The following ZMYM2 variants were observed in gnomAD, a reference collection of about 807,000 sequenced individuals.
ZMYM2 encodes the protein zinc finger MYM-type protein 2.
A neutral mutation model predicts 162.8 loss-of-function variants in ZMYM2; 56 were observed. The ratio of observed to expected loss-of-function variants is 0.34; its 90% CI spans 0.28 to 0.43. The LOEUF is 0.43. ZMYM2 is among the 20% of genes least tolerant of loss of function. The probability of loss-of-function intolerance (pLI) is 1.00; values close to 1 mark genes in which losing one functional copy is unlikely to be tolerated. For missense variants in ZMYM2, 1,275 were observed against 1,621.8 expected, an observed-to-expected ratio of 0.79 and a Z score of 3.67; for synonymous variants, 510 against 541.6, an observed-to-expected ratio of 0.94 and a Z score of 0.81.
At chr13:19,911,981 C>T in the ZMYM2 span, among the ~76,000 whole-genome samples, 1 of 152,222 alleles carries the variant, frequency 6.6e-6, no homozygotes, top group East Asian at 1.9e-4. Flanking sequence ...ATCTATTTGG[C>T]CCCTGTGCCA....
chr13:19,911,492 C>T, the ZMYM2 span, among the ~76,000 whole-genome samples: 3 of 152,244 alleles, frequency 2.0e-5, no homozygotes, highest in South Asian at 2.1e-4. Flanking sequence ...TAGCCTTTCC[C>T]GAAGGGACCT....
chr13:20,021,003 C>T (rs1484939074), intron 7 of ZMYM2, among the ~76,000 whole-genome samples: 1 of 149,254 alleles, frequency 6.7e-6, no homozygotes, highest in Non-Finnish European at 1.5e-5. Context: ...TGAGATGGAG[C>T]CTTGCTCTGT....
At chr13:20,027,408 A>G (rs1952683473) in intron 9 of ZMYM2, 90 bp downstream of exon 9, 1 of 982,668 alleles carries the variant, frequency 1.0e-6, no homozygotes, top group Non-Finnish European at 1.4e-6. Flanking sequence ...TTTTATCTTA[A>G]TTTTTACGTA....
At position 20,082,124 on chromosome 13, in the gene ZMYM2, C is replaced by G; in HGVS notation, c.3562C>G (p.Pro1188Ala). 6.3e-7 allele frequency: 1 copy of G among 1,597,208 alleles called. No homozygotes were observed. The highest frequency in any genetic ancestry group is 8.5e-7 in the Non-Finnish European group (1 of 1,172,524). Residue 1188 changes from proline to alanine, a missense_variant, in exon 22 of 25, where the codon CCA becomes GCA. Pro to Ala is a conservative substitution (Grantham distance 27, BLOSUM62 -1). Transcript: ENST00000610343. ...ILRSWQPSIL[P>A]DGSIFSRVEE... ...GCGAAGCTGGCAACCAAGCATACTT[C>G]CAGATGGTAATGCTATTTTCACTAA...
At chr13:20,046,669 A>ATGTGTGTATATATGTATATATG (rs1954857476) in intron 12 of ZMYM2, among the ~76,000 whole-genome samples, 1 of 149,550 alleles carries the variant, frequency 6.7e-6, no homozygotes, top group African/African-American at 2.5e-5. Context: ...GTGTATATAT[A>ATGTGTGTATATATGTATATATG]TGTGTGTATA....
At chr13:19,866,720 AC>A in the ZMYM2 span, among the ~76,000 whole-genome samples, 1 of 152,062 alleles carries the variant, frequency 6.6e-6, no homozygotes, top group African/African-American at 2.4e-5. Context: ...ACATAGTGGG[AC>A]CCAGTCTCTA....
chr13:20,001,742 G>A (rs968283350), intron 3 of ZMYM2, among the ~76,000 whole-genome samples: 3 of 152,192 alleles, frequency 2.0e-5, no homozygotes, highest in Non-Finnish European at 4.4e-5. Context: ...CAGCCAATTG[G>A]CAGCCACCAT....
At chr13:20,045,510 TTATGGA>T (rs1304464818) in intron 12 of ZMYM2, among the ~76,000 whole-genome samples, 3 of 152,340 alleles carry the variant, frequency 2.0e-5, no homozygotes, top group East Asian at 3.9e-4. Context: ...AATGTTTTGT[TTATGGA>T]TATTAGTGTT....
intron 2 of ZMYM2, among the ~76,000 whole-genome samples, chr13:19,963,325 T>C (rs574749246): frequency 6.6e-6 from 1 of 152,336 alleles, no homozygotes; most frequent in East Asian, 1.9e-4. Context: ...TGTCAAAGCA[T>C]AGAAGTGAAC....
chr13:19,991,079 C>CTGTGTG (rs56666919), intron 2 of ZMYM2, among the ~76,000 whole-genome samples: 2,785 of 59,878 alleles, frequency 0.047, 61 homozygotes, highest in South Asian at 0.094. Context: ...TATGTATTTT[C>CTGTGTG]TGTGTGTGTG....
At chr13:20,035,349 TA>T (rs1953587301) in intron 11 of ZMYM2, among the ~76,000 whole-genome samples, 1 of 152,208 alleles carries the variant, frequency 6.6e-6, no homozygotes, top group South Asian at 2.1e-4. Context: ...TGCTTGCTTA[TA>T]AAACAAGGCA....
At chr13:19,965,009 C>T (rs573883143) in intron 2 of ZMYM2, among the ~76,000 whole-genome samples, 4 of 151,778 alleles carry the variant, frequency 2.6e-5, no homozygotes, top group East Asian at 1.9e-4. Flanking sequence ...GTGGGTGCAG[C>T]GCACCAGCAT....
the ZMYM2 span, among the ~76,000 whole-genome samples, chr13:19,913,630 C>T: frequency 1.3e-5 from 2 of 152,306 alleles, no homozygotes; most frequent in South Asian, 2.1e-4. Context: ...GAGGCTGAGG[C>T]ATGAGAATCA....
chr13:19,977,108 A>G (rs1419298008), intron 2 of ZMYM2, among the ~76,000 whole-genome samples: 1 of 152,162 alleles, frequency 6.6e-6, no homozygotes, highest in African/African-American at 2.4e-5. Flanking sequence ...TTTGGTTAAT[A>G]TTTGCATATA....
the ZMYM2 span, among the ~76,000 whole-genome samples, chr13:19,866,702 C>T: frequency 3.9e-5 from 6 of 152,098 alleles, no homozygotes; most frequent in South Asian, 4.2e-4. Flanking sequence ...ATTCTTCCAG[C>T]CTAGGTAACA....
intron 2 of ZMYM2, among the ~76,000 whole-genome samples, chr13:19,985,452 A>G (rs922035236): frequency 6.6e-6 from 1 of 152,124 alleles, no homozygotes; most frequent in East Asian, 1.9e-4. Context: ...ATCCCATTGT[A>G]GGTTGGTACT....
At chr13:19,995,470 G>A (rs1294786019) in intron 3 of ZMYM2, among the ~76,000 whole-genome samples, 1 of 152,084 alleles carries the variant, frequency 6.6e-6, no homozygotes, top group African/African-American at 2.4e-5. Flanking sequence ...GAGTGCAGTG[G>A]TGCAATCTCG....
At position 20,051,307 on chromosome 13, in the gene ZMYM2, T is replaced by C. The variant is rs1049036670; in HGVS notation, c.2293-126T>C. On this transcript the variant is annotated intron_variant, in intron 12 of 24. Transcript: ENST00000610343. ...TAGATTTTACTGTTTACAAATGATT[T>C]ATATTATAGTTCTACTTTTTCTGTA... The C allele has an allele frequency of 8.0e-6, 7 of 878,828 alleles. No individual in the cohort carries two copies. The African/African-American group carries it at 1.0e-4, about 13-fold the overall frequency. The allele number at this position is 878,828 out of a possible 1,614,324, so 54.4% of individuals were successfully genotyped here. A position where few individuals can be genotyped will look rare whatever the true frequency, so the allele number is the denominator to read the frequency against.
At chr13:19,902,496 A>G in the ZMYM2 span, among the ~76,000 whole-genome samples, 1 of 151,936 alleles carries the variant, frequency 6.6e-6, no homozygotes, top group South Asian at 2.1e-4. Context: ...CATGCCTGTA[A>G]TCCCAGCTAC....
Sources: gnomAD v4.1 joint callset for allele counts (sites outside exome capture counted in the v4.1 genomes callset) on GRCh38, gnomAD v4.1.1 for gene constraint, MANE v1.5 for transcripts, NCBI Gene and HGNC (gene_info 2026-07-23, HGNC 2026-07-21) for gene names.